SH3GL2: variants seen among roughly 807,000 people sequenced by gnomAD.
The protein encoded by SH3GL2 is SH3 domain containing GRB2 like 2, endophilin A1.
SH3GL2 carries 24 observed loss-of-function variants against 46.0 expected under a neutral mutation model. The ratio of observed to expected loss-of-function variants is 0.52; its 90% confidence interval spans 0.38 to 0.73. The LOEUF is 0.73. SH3GL2 is among the 30% of genes least tolerant of loss of function. The probability of loss-of-function intolerance (pLI) is 0.00; values close to 1 mark genes in which losing one functional copy is unlikely to be tolerated. For synonymous variants in SH3GL2, 196 were observed against 147.1 expected (o/e 1.33, Z -2.40); for missense variants, 413 against 424.2 (o/e 0.97, Z 0.23).
chr9:17,649,450 A>C (rs1290317263), intron 1 of SH3GL2, among the ~76,000 whole-genome samples: 1 of 152,184 alleles, frequency 6.6e-6, no homozygotes, highest in Non-Finnish European at 1.5e-5. Context: ...CTACATTCTG[A>C]TTTGGTTGGA....
At chr9:17,649,864 CAA>C (rs1433047010) in intron 1 of SH3GL2, among the ~76,000 whole-genome samples, 2 of 151,928 alleles carry the variant, frequency 1.3e-5, no homozygotes, top group African/African-American at 2.4e-5. Context: ...ACAGAAGTGA[CAA>C]AGAAAAATCA....
In SH3GL2 at chr9:17,631,143, T is replaced by TA. The variant is rs1356239174; in HGVS notation, c.45+51857dup. 3.9e-5 allele frequency among the ~76,000 whole-genome samples: 6 copies of TA among 152,202 alleles called. No individual in the cohort carries two copies. In the East Asian group the frequency reaches 9.6e-4, roughly 24 times the overall value. On this transcript the variant is annotated intron_variant, in intron 1 of 8. Coordinates refer to ENST00000380607, the MANE Select transcript of SH3GL2 (RefSeq NM_003026.5). ...TGCTATAGAGGAAAAAACCCGCAAT[T>TA]ATTTTTGCACCAACCTAATATTAAG...
chr9:17,679,893 G>C (rs994525752), intron 1 of SH3GL2, among the ~76,000 whole-genome samples: 3 of 152,136 alleles, frequency 2.0e-5, no homozygotes, highest in African/African-American at 7.2e-5. Context: ...TAATCATGTG[G>C]TTTTTGTCTT....
chr9:17,728,740 C>G (rs987995601), intron 1 of SH3GL2, among the ~76,000 whole-genome samples: 5 of 152,128 alleles, frequency 3.3e-5, no homozygotes, highest in African/African-American at 1.2e-4. Flanking sequence ...GTTTTCTGTT[C>G]TAGTGTTGGT....
rs529798498 is a variant in SH3GL2, at chr9:17,622,866, C to T, written c.45+43579C>T. 2.6e-5 allele frequency among the ~76,000 whole-genome samples: 4 copies of T among 152,264 alleles called. No homozygotes were observed. In the East Asian group the frequency reaches 7.7e-4, roughly 29 times the overall value. ...CCAAGACTCAAAGACTGCCAATCCT[C>T]TGCCGCAGTTTTTGAGAGTAAGAAC... On this transcript the variant is annotated intron_variant, in intron 1 of 8. Transcript: ENST00000380607.
chr9:17,610,204 A>T (rs890113999), intron 1 of SH3GL2, among the ~76,000 whole-genome samples: 1 of 152,250 alleles, frequency 6.6e-6, no homozygotes, highest in African/African-American at 2.4e-5. Context: ...CAAAATGCAC[A>T]TAAGTGTCTG....
chr9:17,676,376 T>A (rs1444428991), intron 1 of SH3GL2, among the ~76,000 whole-genome samples: 1 of 151,900 alleles, frequency 6.6e-6, no homozygotes, highest in African/African-American at 2.4e-5. Context: ...GAGGCCAAGG[T>A]GGGTAGATCA....
At chr9:17,619,325 CCT>C (rs1441062921) in intron 1 of SH3GL2, among the ~76,000 whole-genome samples, 3 of 152,106 alleles carry the variant, frequency 2.0e-5, no homozygotes, top group East Asian at 1.9e-4. Context: ...GAGAATTTCC[CCT>C]GTTGTCTTAA....
At chr9:17,653,089 CAAA>C (rs1484384161) in intron 1 of SH3GL2, among the ~76,000 whole-genome samples, 3 of 152,252 alleles carry the variant, frequency 2.0e-5, no homozygotes, top group South Asian at 2.1e-4. Flanking sequence ...ATGGTTTTCT[CAAA>C]AATCCAATCT....
At chr9:17,770,855 G>T (rs1040433441) in intron 3 of SH3GL2, among the ~76,000 whole-genome samples, 1 of 152,102 alleles carries the variant, frequency 6.6e-6, no homozygotes, top group Non-Finnish European at 1.5e-5. Flanking sequence ...TGAACAGCCC[G>T]GACTCAGGAA....
At chr9:17,601,386 G>A (rs781452969) in intron 1 of SH3GL2, among the ~76,000 whole-genome samples, 1 of 152,118 alleles carries the variant, frequency 6.6e-6, no homozygotes, top group African/African-American at 2.4e-5. Context: ...ATAGTTGAGT[G>A]TAATTCATGA....
At chr9:17,586,478 A>C (rs1367782968) in intron 1 of SH3GL2, among the ~76,000 whole-genome samples, 6 of 152,216 alleles carry the variant, frequency 3.9e-5, no homozygotes, top group Admixed American at 3.9e-4. Flanking sequence ...AAACATCTCA[A>C]TATCAAGCTA....
At chr9:17,710,510 A>G (rs564033842) in intron 1 of SH3GL2, among the ~76,000 whole-genome samples, 1 of 152,070 alleles carries the variant, frequency 6.6e-6, no homozygotes, top group African/African-American at 2.4e-5. Context: ...AACAAATTAA[A>G]ACAATGAATT....
intron 1 of SH3GL2, among the ~76,000 whole-genome samples, chr9:17,598,614 C>G (rs188108174): frequency 3.3e-5 from 5 of 152,150 alleles, no homozygotes; most frequent in African/African-American, 1.2e-4. Flanking sequence ...AGGCCTTGAT[C>G]CAGATGATAC....
intron 3 of SH3GL2, among the ~76,000 whole-genome samples, chr9:17,774,171 A>G (rs911541172): frequency 1.3e-5 from 2 of 152,080 alleles, no homozygotes; most frequent in Admixed American, 6.6e-5. Context: ...TGTTGAATTC[A>G]TTTATTAGTT....
At chr9:17,725,662 C>T (rs1347912291) in intron 1 of SH3GL2, among the ~76,000 whole-genome samples, 1 of 152,100 alleles carries the variant, frequency 6.6e-6, no homozygotes, top group African/African-American at 2.4e-5. Flanking sequence ...GAATGTCTAC[C>T]CTGTGAGTGA....
At chr9:17,700,991 T>C (rs1821331643) in intron 1 of SH3GL2, among the ~76,000 whole-genome samples, 1 of 152,214 alleles carries the variant, frequency 6.6e-6, no homozygotes, top group Admixed American at 6.5e-5. Flanking sequence ...TAATATGGAA[T>C]GTGCCTGCCT....
intron 7 of SH3GL2, among the ~76,000 whole-genome samples, chr9:17,792,758 T>C (rs1487242156): frequency 6.6e-6 from 1 of 152,168 alleles, no homozygotes; most frequent in Non-Finnish European, 1.5e-5. Flanking sequence ...TATGGAGAGA[T>C]AGACTCCTTC....
At chr9:17,697,690 C>T (rs530333929) in intron 1 of SH3GL2, among the ~76,000 whole-genome samples, 2 of 152,278 alleles carry the variant, frequency 1.3e-5, no homozygotes, top group African/African-American at 4.8e-5. Flanking sequence ...TCACTGAAAC[C>T]ATATCATTGC....
Sources: gnomAD v4.1 joint callset for allele counts (sites outside exome capture counted in the v4.1 genomes callset) on GRCh38, gnomAD v4.1.1 for gene constraint, MANE v1.5 for transcripts, NCBI Gene and HGNC (gene_info 2026-07-23, HGNC 2026-07-21) for gene names.